Variants in ROBO2 observed in about 807,000 individuals in gnomAD.
ROBO2 encodes roundabout homolog 2.
A neutral mutation model predicts 160.8 loss-of-function variants in ROBO2; 53 were observed. The observed-to-expected ratio is 0.33, with a 90% CI of 0.26 to 0.41. The LOEUF (loss-of-function observed/expected upper bound fraction) is 0.41. Ranked by LOEUF, ROBO2 falls within the 10% of genes least tolerant of loss-of-function variation. The probability of loss-of-function intolerance (pLI) is 1.00; values close to 1 mark genes in which losing one functional copy is unlikely to be tolerated. For synonymous variants in ROBO2, 664 were observed against 611.7 expected, an observed-to-expected ratio of 1.09 and a Z score of -1.26; for missense variants, 1,577 against 1,722.4, an observed-to-expected ratio of 0.92 and a Z score of 1.49.
At chr3:75,983,398 C>A (rs548289905) in intron 2 of ROBO2, among the ~76,000 whole-genome samples, 1 of 151,388 alleles carries the variant, frequency 6.6e-6, no homozygotes, top group East Asian at 1.9e-4. Context: ...ATGTGTAAAA[C>A]CATTCCCAAA....
At chr3:76,011,443 T>A (rs1170010960) in intron 2 of ROBO2, among the ~76,000 whole-genome samples, 1 of 152,112 alleles carries the variant, frequency 6.6e-6, no homozygotes, top group Non-Finnish European at 1.5e-5. Flanking sequence ...CCCCCAAAAT[T>A]GAAGTGGTTG....
At chr3:76,927,614 C>A (rs1437546581) in intron 2 of ROBO2, among the ~76,000 whole-genome samples, 1 of 152,116 alleles carries the variant, frequency 6.6e-6, no homozygotes, top group African/African-American at 2.4e-5. Flanking sequence ...TTCATTGAAA[C>A]CTTTTCAACT....
At chr3:77,168,487 T>C (rs141919184) in intron 2 of ROBO2, among the ~76,000 whole-genome samples, 1,558 of 152,286 alleles carry the variant, frequency 0.01, 14 homozygotes, top group Middle Eastern at 0.017. Flanking sequence ...TGGTCTTCCT[T>C]TTCTTATTTC....
intron 2 of ROBO2, among the ~76,000 whole-genome samples, chr3:77,123,350 A>C (rs2074973346): frequency 6.6e-6 from 1 of 152,316 alleles, no homozygotes; most frequent in Admixed American, 6.5e-5. Context: ...CCAGGAAATC[A>C]AAAGTTTTGC....
At chr3:77,461,554 A>C (rs558618079) in intron 2 of ROBO2, among the ~76,000 whole-genome samples, 2 of 152,138 alleles carry the variant, frequency 1.3e-5, no homozygotes, top group South Asian at 4.1e-4. Context: ...AACATTAATG[A>C]TATTTTTGTT....
intron 2 of ROBO2, among the ~76,000 whole-genome samples, chr3:76,350,110 A>C (rs1342559188): frequency 6.6e-6 from 1 of 152,100 alleles, no homozygotes; most frequent in East Asian, 1.9e-4. Flanking sequence ...GTCTCCCAAT[A>C]AAGCTTTGTA....
At chr3:77,468,403 G>C (rs777965642) in intron 2 of ROBO2, among the ~76,000 whole-genome samples, 1 of 152,154 alleles carries the variant, frequency 6.6e-6, no homozygotes, top group Non-Finnish European at 1.5e-5. Context: ...CTCAACACTT[G>C]GTCCCCAAGG....
intron 2 of ROBO2, among the ~76,000 whole-genome samples, chr3:76,984,046 C>T (rs561992093): frequency 1.9e-4 from 29 of 152,224 alleles, no homozygotes; most frequent in South Asian, 6.2e-4. Context: ...ATGCCAGAGG[C>T]TTATAAAACC....
intron 2 of ROBO2, among the ~76,000 whole-genome samples, chr3:77,218,561 A>G (rs896516494): frequency 6.6e-6 from 1 of 151,916 alleles, no homozygotes; most frequent in African/African-American, 2.4e-5. Context: ...TTTAGTAGAG[A>G]TGGGGTTTTA....
intron 2 of ROBO2, among the ~76,000 whole-genome samples, chr3:77,458,644 G>A (rs1478015546): frequency 2.6e-5 from 4 of 151,562 alleles, no homozygotes; most frequent in African/African-American, 9.7e-5. Flanking sequence ...GCTCATATTA[G>A]GGATTTATTC....
At chr3:77,362,941 A>G (rs1394293976) in intron 2 of ROBO2, among the ~76,000 whole-genome samples, 2 of 152,096 alleles carry the variant, frequency 1.3e-5, no homozygotes, top group African/African-American at 4.8e-5. Context: ...CCAAGATTCA[A>G]TTACCTCCCA....
intron 2 of ROBO2, among the ~76,000 whole-genome samples, chr3:76,860,126 AG>A (rs1424270552): frequency 2.0e-5 from 3 of 152,182 alleles, no homozygotes; most frequent in Admixed American, 6.6e-5. Flanking sequence ...TCATTTTGCA[AG>A]GGAAGTGATG....
chr3:76,979,614 G>T (rs2059991870), intron 2 of ROBO2, among the ~76,000 whole-genome samples: 1 of 151,540 alleles, frequency 6.6e-6, no homozygotes, highest in Admixed American at 6.6e-5. Context: ...GTGTGTGTGT[G>T]CGCAGGTATA....
chr3:77,011,051 TTTC>T (rs1162822388), intron 2 of ROBO2, among the ~76,000 whole-genome samples: 12 of 54,082 alleles, frequency 2.2e-4, no homozygotes, highest in South Asian at 1.4e-3. Context: ...CTTTTCTTTC[TTTC>T]TTCTTTCTTT....
chr3:76,751,955 T>G (rs13072465), intron 2 of ROBO2, among the ~76,000 whole-genome samples: 100,723 of 151,736 alleles, frequency 0.66, 33,755 homozygotes, highest in African/African-American at 0.76. Flanking sequence ...TATACCCAGA[T>G]GTTTATAAAT....
chr3:76,860,947 T>C (rs2148614224), intron 2 of ROBO2, among the ~76,000 whole-genome samples: 1 of 152,282 alleles, frequency 6.6e-6, no homozygotes, highest in Admixed American at 6.5e-5. Flanking sequence ...GCATGAGCTT[T>C]CTCTTCAGCC....
chr3:76,573,815 C>A (rs116301532), intron 2 of ROBO2, among the ~76,000 whole-genome samples: 1 of 151,994 alleles, frequency 6.6e-6, no homozygotes, highest in Non-Finnish European at 1.5e-5. Context: ...AATGATCCAC[C>A]GCATGGGGAA....
intron 2 of ROBO2, among the ~76,000 whole-genome samples, chr3:77,410,828 C>G (rs2076742041): frequency 6.8e-6 from 1 of 147,814 alleles, no homozygotes; most frequent in African/African-American, 2.5e-5. Context: ...CCTTCTTCTT[C>G]TTGTCACTCT....
intron 2 of ROBO2, among the ~76,000 whole-genome samples, chr3:77,199,637 T>TC (rs1226341584): frequency 2.7e-5 from 4 of 149,750 alleles, no homozygotes; most frequent in Admixed American, 1.3e-4. Flanking sequence ...TTTTTTTTTT[T>TC]TTTTTGTGAC....
Sources: allele counts gnomAD v4.1 joint callset (sites outside exome capture counted in the v4.1 genomes callset), GRCh38; gene constraint gnomAD v4.1.1; transcripts MANE v1.5; gene names NCBI Gene and HGNC (gene_info 2026-07-23, HGNC 2026-07-21).